KALRN: variants seen among roughly 807,000 people sequenced by gnomAD.
The protein encoded by KALRN is kalirin RhoGEF kinase, also known as kalirin.
A neutral mutation model predicts 353.7 loss-of-function variants in KALRN; 70 were observed. The ratio of observed to expected loss-of-function variants is 0.20; its 90% CI spans 0.16 to 0.24. KALRN has a LOEUF of 0.24. KALRN is among the 10% of genes least tolerant of loss of function. KALRN has a pLI of 1.00. For missense variants in KALRN, 2,791 were observed against 3,756.7 expected (o/e 0.74, Z 6.72); for synonymous variants, 1,391 against 1,434.8 (o/e 0.97, Z 0.69).
chr3:124,456,744 C>A lies in KALRN; in HGVS notation c.3854+16C>A. The A allele has an allele frequency of 6.3e-7, 1 of 1,583,546 alleles. No homozygotes were observed. Among genetic ancestry groups the A allele is most frequent in the South Asian group, 1.1e-5 (1 of 89,842 alleles). On this transcript the variant is annotated intron_variant, in intron 23 of 59. Coordinates refer to ENST00000682506, the MANE Select transcript of KALRN (RefSeq NM_001388419.1). ...GGAAGAAAGAGTACGTGTTGGCTTC[C>A]GCCCAGCTAGCTGGCTCCCCGTGAC...
intron 47 of KALRN, among the ~76,000 whole-genome samples, chr3:124,669,177 G>A (rs756505599): frequency 3.3e-5 from 5 of 152,216 alleles, no homozygotes; most frequent in Non-Finnish European, 5.9e-5. Context: ...GAAGCAGTAA[G>A]TGATAGAAAC....
At chr3:124,425,526 G>T (rs1010276276) in intron 15 of KALRN, among the ~76,000 whole-genome samples, 1 of 152,186 alleles carries the variant, frequency 6.6e-6, no homozygotes, top group Admixed American at 6.5e-5. Context: ...ACCTGTCTGA[G>T]GTCAGCAGGG....
At chr3:124,479,436 C>A (rs1303605269) in intron 27 of KALRN, among the ~76,000 whole-genome samples, 7 of 152,260 alleles carry the variant, frequency 4.6e-5, no homozygotes, top group Middle Eastern at 3.4e-3. Flanking sequence ...ATTTTCATTC[C>A]ATCAGAAGAG....
rs182511973 is a variant in KALRN at position 124,506,433 on chromosome 3, G to A, written c.4935+10020G>A. ...CCCATTTGTAGGAACTTAAAGTTGA[G>A]TCTTACATGTTCAGAATGTTCAGAT... On this transcript the variant is annotated intron_variant, in intron 33 of 59. Transcript: ENST00000682506. Among the ~76,000 whole-genome samples the A allele has an allele frequency of 1.7e-4, 26 of 152,276 alleles. No individual in the cohort carries two copies. The East Asian group carries it at 5.0e-3, about 29-fold the overall frequency.
chr3:124,128,321 G>A (rs1033576835), intron 1 of KALRN, among the ~76,000 whole-genome samples: 1 of 152,184 alleles, frequency 6.6e-6, no homozygotes, highest in Non-Finnish European at 1.5e-5. Flanking sequence ...ATGCTTGTTT[G>A]TCTGGTGGCC....
chr3:124,370,455 A>G (rs765869612), intron 10 of KALRN, among the ~76,000 whole-genome samples: 1 of 152,236 alleles, frequency 6.6e-6, no homozygotes, highest in Non-Finnish European at 1.5e-5. Flanking sequence ...CTCTCATAGT[A>G]AACAAATATT....
chr3:124,164,036 T>C (rs2070423152), intron 1 of KALRN: 12 of 948,602 alleles, frequency 1.3e-5, no homozygotes, highest in Non-Finnish European at 1.5e-5. Context: ...CACACTTAAC[T>C]GTACACAGTC....
At chr3:124,474,865 G>C (rs2061294270) in intron 26 of KALRN, 133 bp downstream of exon 26, 2 of 740,208 alleles carry the variant, frequency 2.7e-6, no homozygotes, top group African/African-American at 1.8e-5. Context: ...GAGTAGGTCT[G>C]AGAGAAGCCT....
intron 58 of KALRN, among the ~76,000 whole-genome samples, chr3:124,716,420 A>G (rs1248964123): frequency 6.6e-6 from 1 of 152,208 alleles, no homozygotes; most frequent in Non-Finnish European, 1.5e-5. Flanking sequence ...GCTACTTGGG[A>G]AGCTGAGACA....
intron 10 of KALRN, among the ~76,000 whole-genome samples, chr3:124,350,455 T>C (rs1323767886): frequency 6.6e-6 from 1 of 152,214 alleles, no homozygotes; most frequent in Non-Finnish European, 1.5e-5. Flanking sequence ...GCCCAAGTCA[T>C]CCAGCTTGTC....
chr3:124,342,671 A>C (rs902157624), intron 9 of KALRN, among the ~76,000 whole-genome samples: 3 of 152,204 alleles, frequency 2.0e-5, no homozygotes, highest in Admixed American at 6.5e-5. Flanking sequence ...GCCTTAGTGT[A>C]TAAATTACTT....
At chr3:124,075,278 G>T (rs560668234) in intron 1 of KALRN, among the ~76,000 whole-genome samples, 387 of 152,320 alleles carry the variant, frequency 2.5e-3, no homozygotes, top group Non-Finnish European at 3.1e-3. Context: ...TCCCAGGTGG[G>T]TGCCATATGG....
intron 51 of KALRN, 81 bp downstream of exon 51, chr3:124,679,598 G>A (rs759906540): frequency 1.7e-6 from 2 of 1,159,864 alleles, no homozygotes; most frequent in Non-Finnish European, 2.6e-6. Flanking sequence ...TTGCTAAAAT[G>A]ACCAGCCATT....
At chr3:124,368,835 G>T (rs1001057691) in intron 10 of KALRN, among the ~76,000 whole-genome samples, 1 of 152,180 alleles carries the variant, frequency 6.6e-6, no homozygotes, top group Admixed American at 6.5e-5. Flanking sequence ...CGAGGCTGGC[G>T]GATCACTCGC....
At chr3:124,223,641 A>C (rs1466053931) in intron 1 of KALRN, among the ~76,000 whole-genome samples, 1 of 152,140 alleles carries the variant, frequency 6.6e-6, no homozygotes, top group Non-Finnish European at 1.5e-5. Context: ...TTGTTTCTTC[A>C]CTTGTTGAAA....
At chr3:124,248,262 C>A (rs548196732) in intron 3 of KALRN, among the ~76,000 whole-genome samples, 1 of 152,174 alleles carries the variant, frequency 6.6e-6, no homozygotes, top group Middle Eastern at 3.4e-3. Flanking sequence ...TCACCCCCCC[C>A]ATACTCCTTA....
intron 1 of KALRN, among the ~76,000 whole-genome samples, chr3:124,184,856 T>C (rs2074025902): frequency 6.6e-6 from 1 of 152,132 alleles, no homozygotes; most frequent in South Asian, 2.1e-4. Context: ...TATATAGTAA[T>C]AGTATGTCTT....
At chr3:124,055,246 G>T (rs1285459440) in intron 1 of KALRN, among the ~76,000 whole-genome samples, 1 of 152,194 alleles carries the variant, frequency 6.6e-6, no homozygotes, top group East Asian at 1.9e-4. Context: ...CATTCCCATA[G>T]AATCTGATTG....
intron 12 of KALRN, 141 bp from the exon 13 acceptor site, chr3:124,398,556 G>T: frequency 1.2e-6 from 1 of 831,314 alleles, no homozygotes; most frequent in Non-Finnish European, 2.0e-6. Context: ...CTCACAGCAG[G>T]AGTTTGATAA....
Sources: gnomAD v4.1 joint callset for allele counts (sites outside exome capture counted in the v4.1 genomes callset) on GRCh38, gnomAD v4.1.1 for gene constraint, MANE v1.5 for transcripts, NCBI Gene and HGNC (gene_info 2026-07-23, HGNC 2026-07-21) for gene names.